The following KIF6 variants were observed in gnomAD, a reference collection of about 807,000 sequenced individuals.
KIF6 encodes kinesin-like protein KIF6.
In KIF6, 106 loss-of-function variants were observed where a neutral mutation model predicts 112.7. The observed-to-expected ratio is 0.94, with a 90% CI of 0.80 to 1.11. The LOEUF (loss-of-function observed/expected upper bound fraction) is 1.11. KIF6 is among the 50% of genes least tolerant of loss of function. The probability of loss-of-function intolerance (pLI) is 0.00; values close to 1 mark genes in which losing one functional copy is unlikely to be tolerated. For synonymous variants in KIF6, 339 were observed against 339.9 expected (o/e 1.00, Z 0.03); for missense variants, 929 against 964.0 (o/e 0.96, Z 0.48).
intron 13 of KIF6, among the ~76,000 whole-genome samples, chr6:39,479,356 G>T (rs913847939): frequency 6.6e-6 from 1 of 152,094 alleles, no homozygotes; most frequent in Non-Finnish European, 1.5e-5. Context: ...GTTGAATAGG[G>T]TGTCCTTTCC....
intron 19 of KIF6, among the ~76,000 whole-genome samples, chr6:39,350,470 A>G (rs1393582922): frequency 6.6e-6 from 1 of 152,064 alleles, no homozygotes; most frequent in Admixed American, 6.6e-5. Flanking sequence ...TTTCACCTGT[A>G]AAGTGGGGGA....
At chr6:39,417,383 G>C (rs898821329) in intron 15 of KIF6, among the ~76,000 whole-genome samples, 1 of 152,212 alleles carries the variant, frequency 6.6e-6, no homozygotes, top group Non-Finnish European at 1.5e-5. Context: ...ACTGGCATTG[G>C]CTTTATAGGC....
intron 16 of KIF6, among the ~76,000 whole-genome samples, chr6:39,377,635 C>G (rs570028473): frequency 6.6e-6 from 1 of 152,288 alleles, no homozygotes; most frequent in East Asian, 1.9e-4. Context: ...AACAGGGATG[C>G]CACAAGAGGT....
At position 39,354,563 on chromosome 6, in the gene KIF6, C is replaced by T. The variant is rs147707841; in HGVS notation, c.2180+2714G>A. On this transcript the variant is annotated intron_variant, in intron 19 of 22. Coordinates refer to ENST00000287152, the MANE Select transcript of KIF6 (RefSeq NM_145027.6). ...CAAAAGCTGCTTTCTAGCTGAATGA[C>T]CTTGGTACAAGTCATTTGACCTACT... 3.9e-5 allele frequency among the ~76,000 whole-genome samples: 6 copies of T among 152,282 alleles called. No individual in the cohort carries two copies. The East Asian group carries it at 9.6e-4, about 24-fold the overall frequency.
At chr6:39,552,329 A>C (rs1212922847) in intron 10 of KIF6, among the ~76,000 whole-genome samples, 1 of 152,174 alleles carries the variant, frequency 6.6e-6, no homozygotes, top group African/African-American at 2.4e-5. Flanking sequence ...TGTCCCAGTT[A>C]TTTTATTATT....
chr6:39,572,681 T>TA (rs370191422), intron 10 of KIF6, among the ~76,000 whole-genome samples: 14,290 of 137,832 alleles, frequency 0.1, 1,026 homozygotes, highest in Middle Eastern at 0.18. Flanking sequence ...TTTTTTTTTT[T>TA]ACCAAAGAAA....
chr6:39,356,347 C>G (rs1764688269), intron 19 of KIF6, among the ~76,000 whole-genome samples: 1 of 151,962 alleles, frequency 6.6e-6, no homozygotes, highest in Non-Finnish European at 1.5e-5. Flanking sequence ...CTCACTACAA[C>G]CTCTGCCTCC....
chr6:39,596,564 A>G (rs188699279), intron 6 of KIF6, among the ~76,000 whole-genome samples: 94 of 152,332 alleles, frequency 6.2e-4, no homozygotes, highest in Admixed American at 2.4e-3. Flanking sequence ...TCCATGCATT[A>G]ACCTTGGCTT....
At chr6:39,375,547 C>T (rs931168333) in intron 16 of KIF6, among the ~76,000 whole-genome samples, 2 of 152,160 alleles carry the variant, frequency 1.3e-5, no homozygotes, top group Non-Finnish European at 2.9e-5. Context: ...TGGCAAATTT[C>T]CTCTCTCTGC....
At chr6:39,473,302 T>TAA (rs34799894) in intron 13 of KIF6, among the ~76,000 whole-genome samples, 1 of 149,760 alleles carries the variant, frequency 6.7e-6, no homozygotes, top group African/African-American at 2.4e-5. Context: ...TCAATTTAGG[T>TAA]AAAAAAAAAA....
At chr6:39,609,995 T>C (rs1260738228) in intron 6 of KIF6, among the ~76,000 whole-genome samples, 1 of 152,222 alleles carries the variant, frequency 6.6e-6, no homozygotes, top group Non-Finnish European at 1.5e-5. Flanking sequence ...CCCTAGACCA[T>C]GGGTAGGACT....
intron 13 of KIF6, among the ~76,000 whole-genome samples, chr6:39,513,331 A>AG (rs1776888415): frequency 6.6e-6 from 1 of 152,256 alleles, no homozygotes; most frequent in Non-Finnish European, 1.5e-5. Flanking sequence ...TCATGCAAGT[A>AG]GGAGGTAATG....
rs1201941761 is a variant in KIF6, at chr6:39,378,679, C to T, written c.1861+6943G>A. 1.3e-5 allele frequency among the ~76,000 whole-genome samples: 2 copies of T among 152,232 alleles called. No homozygotes were observed. The highest frequency in any genetic ancestry group is 6.5e-5 in the Admixed American group (1 of 15,288). On this transcript the variant is annotated intron_variant, in intron 16 of 22. Transcript: ENST00000287152. The surrounding 1 kb of genome is among the most constrained non-coding windows in gnomAD (Gnocchi z 5.0). ...CATGGCCTGTCCCTCTCACCTGACA[C>T]ATTTCACATGCTGCTTGGTAGTGTG...
intron 3 of KIF6, among the ~76,000 whole-genome samples, chr6:39,643,437 T>C (rs1232042544): frequency 6.6e-6 from 1 of 152,178 alleles, no homozygotes; most frequent in Non-Finnish European, 1.5e-5. Flanking sequence ...AAAGCTAGAA[T>C]AATTAAGACA....
chr6:39,668,925 A>G (rs1438874348), intron 3 of KIF6, among the ~76,000 whole-genome samples: 3 of 152,238 alleles, frequency 2.0e-5, no homozygotes, highest in African/African-American at 7.2e-5. Context: ...TAATAGAAAC[A>G]TTTATTCGGA....
chr6:39,643,485 A>G (rs991271854), intron 3 of KIF6, among the ~76,000 whole-genome samples: 3 of 152,218 alleles, frequency 2.0e-5, no homozygotes, highest in African/African-American at 7.2e-5. Flanking sequence ...ATGGATCAAT[A>G]AAATAAAATT....
Position 39,596,224 on chromosome 6 carries a change from T to A in KIF6, c.676A>T (p.Ile226Phe). ...MNQASTRSHCIFTIHLSSKEP... is the reference protein window; with the variant it reads ...MNQASTRSHCFFTIHLSSKEP... ...TTGCTTGACAAATGAATGGTGAAAA[T>A]GCAGTGGGAACGGGTTGAAGCTTGG... The change falls in exon 7 of 23, where the codon ATT becomes TTT. Residue 226 changes from isoleucine to phenylalanine, a missense_variant. Ile to Phe is a conservative substitution (Grantham distance 21). Around this residue, in one of 2 missense-constraint regions of KIF6, gnomAD observed 688 missense variants for 662.7 expected, o/e 1.04. Coordinates refer to ENST00000287152, the MANE Select transcript of KIF6 (RefSeq NM_145027.6). 1 of 1,613,910 alleles carries A rather than the reference T, an allele frequency of 6.2e-7. No individual in the cohort carries two copies. The highest frequency in any genetic ancestry group is 1.1e-5 in the South Asian group (1 of 91,074).
Position 39,360,350 on chromosome 6 carries a change from A to G in KIF6, c.2082+45T>C, listed in dbSNP as rs367760215. On this transcript the variant is annotated intron_variant, in intron 18 of 22. Coordinates refer to ENST00000287152, the MANE Select transcript of KIF6 (RefSeq NM_145027.6). ...CTCTTGACAGCCCCAGTGGGGCTGCATGACTGGCCCCTCCCCAGCTTCCCT... is the reference window on the plus strand; with the variant it reads ...CTCTTGACAGCCCCAGTGGGGCTGCGTGACTGGCCCCTCCCCAGCTTCCCT... 3.7e-5 allele frequency: 60 copies of G among 1,609,296 alleles called. No homozygotes were observed. In the African/African-American group the frequency reaches 5.9e-4, roughly 16 times the overall value.
At chr6:39,401,105 A>G (rs555915168) in intron 15 of KIF6, among the ~76,000 whole-genome samples, 4 of 152,386 alleles carry the variant, frequency 2.6e-5, no homozygotes, top group Admixed American at 2.6e-4. Flanking sequence ...TACATGAAGA[A>G]GAGATAAGTA....
Sources: gnomAD v4.1 joint callset for allele counts (sites outside exome capture counted in the v4.1 genomes callset) on GRCh38, gnomAD v4.1.1 for gene constraint, gnomAD v4.1.1 regional missense constraint, Gnocchi (gnomAD v3.1) non-coding constraint, MANE v1.5 for transcripts, NCBI Gene and HGNC (gene_info 2026-07-23, HGNC 2026-07-21) for gene names.